The following TMEM117 variants were observed in gnomAD, a reference collection of about 807,000 sequenced individuals.
The protein encoded by TMEM117 is transmembrane protein 117.
TMEM117 carries 27 observed loss-of-function variants against 52.4 expected under a neutral mutation model. That is an observed-to-expected ratio of 0.51 (90% confidence interval 0.38 to 0.71). TMEM117 has a LOEUF of 0.71. Ranked by LOEUF, TMEM117 falls within the 30% of genes least tolerant of loss-of-function variation. The probability of loss-of-function intolerance (pLI) is 0.00; values close to 1 mark genes in which losing one functional copy is unlikely to be tolerated. For missense variants in TMEM117, 556 were observed against 630.5 expected (o/e 0.88, Z 1.26); for synonymous variants, 215 against 206.3 (o/e 1.04, Z -0.36).
chr12:43,829,448 T>C, the TMEM117 span, among the ~76,000 whole-genome samples: 1 of 152,184 alleles, frequency 6.6e-6, no homozygotes, highest in South Asian at 2.1e-4. Context: ...AGATGTTCAT[T>C]GATTGGGTGG....
intron 1 of TMEM117, among the ~76,000 whole-genome samples, chr12:43,842,654 A>G (rs1047815482): frequency 1.3e-4 from 20 of 152,064 alleles, no homozygotes; most frequent in African/African-American, 4.8e-4. Context: ...TCATGTATAA[A>G]GTGAGAATAT....
At chr12:43,806,256 G>C in the TMEM117 span, 1 of 1,522,698 alleles carries the variant, frequency 6.6e-7, no homozygotes, top group Non-Finnish European at 8.8e-7. Context: ...GGCGGCGGCC[G>C]CTAGCTCCCG....
rs1160052035 is a variant in TMEM117, at chr12:43,863,032, CACCTGTAATTCT to C, written c.277+18106_277+18117del. Among the ~76,000 whole-genome samples the C allele has an allele frequency of 7.9e-5, 12 of 152,024 alleles. No homozygotes were observed. The East Asian group carries it at 1.5e-3, about 20-fold the overall frequency. ...AACATTGGCCAGGCACAGTGGCTCACACCTGTAATTCTAGCATTTCAGGAGGCCTGTGGTGAA... is the reference window on the plus strand; with the variant it reads ...AACATTGGCCAGGCACAGTGGCTCACAGCATTTCAGGAGGCCTGTGGTGAA... On this transcript the variant is annotated intron_variant, in intron 2 of 7. Coordinates refer to ENST00000266534, the MANE Select transcript of TMEM117 (RefSeq NM_032256.3).
At chr12:44,095,893 AG>A (rs1197951294) in intron 3 of TMEM117, among the ~76,000 whole-genome samples, 3 of 152,156 alleles carry the variant, frequency 2.0e-5, no homozygotes, top group Non-Finnish European at 2.9e-5. Flanking sequence ...AAGGAAATAA[AG>A]GGTATTCAAT....
intron 5 of TMEM117, among the ~76,000 whole-genome samples, chr12:44,213,958 C>T (rs767192250): frequency 3.9e-5 from 6 of 151,952 alleles, no homozygotes; most frequent in Non-Finnish European, 5.9e-5. Context: ...TTACCAAGGT[C>T]ACATGTATAC....
intron 5 of TMEM117, among the ~76,000 whole-genome samples, chr12:44,221,922 C>T (rs1317525298): frequency 6.6e-6 from 1 of 152,144 alleles, no homozygotes; most frequent in African/African-American, 2.4e-5. Context: ...TGGTCTCGAA[C>T]TCCTGACCTC....
chr12:43,936,471 G>T (rs1944953544), intron 2 of TMEM117, among the ~76,000 whole-genome samples: 1 of 152,224 alleles, frequency 6.6e-6, no homozygotes, highest in East Asian at 1.9e-4. Flanking sequence ...TGAAGCTCAG[G>T]AGGAAAAATT....
chr12:44,386,774 G>A (rs1384194133), intron 7 of TMEM117, among the ~76,000 whole-genome samples: 3 of 151,980 alleles, frequency 2.0e-5, no homozygotes, highest in Admixed American at 6.6e-5. Flanking sequence ...TAGTAATTTT[G>A]GAGCCAGGAT....
intron 6 of TMEM117, among the ~76,000 whole-genome samples, chr12:44,311,759 ATATATATATGTATATATGTGTATATATG>A (rs1950980737): frequency 1.7e-5 from 2 of 116,542 alleles, no homozygotes; most frequent in African/African-American, 9.1e-5. Flanking sequence ...GTATATATGT[ATATATATATGTATATATGTGTATATATG>A]TATATATATG....
At chr12:44,398,817 A>G in the TMEM117 span, among the ~76,000 whole-genome samples, 15 of 152,356 alleles carry the variant, frequency 9.8e-5, no homozygotes, top group South Asian at 3.1e-3. Flanking sequence ...ATTTGTTTTT[A>G]TAACAGTCTA....
chr12:44,205,121 A>G (rs915585168), intron 4 of TMEM117, among the ~76,000 whole-genome samples: 2 of 152,152 alleles, frequency 1.3e-5, no homozygotes, highest in African/African-American at 4.8e-5. Context: ...AACCTACATG[A>G]TATGGTTTTG....
intron 2 of TMEM117, among the ~76,000 whole-genome samples, chr12:43,887,888 C>T (rs941560901): frequency 6.6e-6 from 1 of 152,080 alleles, no homozygotes; most frequent in Non-Finnish European, 1.5e-5. Flanking sequence ...CAGGTGAGAC[C>T]ATTTGTTTGT....
At chr12:43,819,158 G>C in the TMEM117 span, among the ~76,000 whole-genome samples, 1 of 152,180 alleles carries the variant, frequency 6.6e-6, no homozygotes, top group African/African-American at 2.4e-5. Context: ...CCAGTTGTTT[G>C]ATTGTAGACC....
At chr12:44,133,110 G>A (rs1309101325) in intron 3 of TMEM117, among the ~76,000 whole-genome samples, 1 of 152,188 alleles carries the variant, frequency 6.6e-6, no homozygotes, top group Non-Finnish European at 1.5e-5. Flanking sequence ...AATGATGTGG[G>A]TGTATTCGTT....
At chr12:43,900,884 A>G (rs1190602181) in intron 2 of TMEM117, among the ~76,000 whole-genome samples, 1 of 152,076 alleles carries the variant, frequency 6.6e-6, no homozygotes, top group Non-Finnish European at 1.5e-5. Context: ...AAAAAGGAAA[A>G]GAAAATTAAA....
intron 4 of TMEM117, among the ~76,000 whole-genome samples, chr12:44,205,934 G>A (rs12820553): frequency 4.6e-5 from 7 of 152,076 alleles, no homozygotes; most frequent in African/African-American, 7.2e-5. Flanking sequence ...CAGCTCTGTC[G>A]TGGAGACCCT....
intron 5 of TMEM117, among the ~76,000 whole-genome samples, chr12:44,295,041 A>G (rs1950750053): frequency 1.3e-5 from 2 of 152,212 alleles, no homozygotes; most frequent in Admixed American, 1.3e-4. Context: ...TTTGAGCTTC[A>G]TAAATCTGGA....
intron 3 of TMEM117, among the ~76,000 whole-genome samples, chr12:44,137,941 C>G (rs760905011): frequency 6.6e-6 from 1 of 152,056 alleles, no homozygotes; most frequent in Non-Finnish European, 1.5e-5. Flanking sequence ...AGAAGTTTAC[C>G]TTTTTTTACA....
chr12:44,080,383 C>T (rs959151986), intron 3 of TMEM117, among the ~76,000 whole-genome samples: 42 of 152,238 alleles, frequency 2.8e-4, no homozygotes, highest in Admixed American at 9.8e-4. Flanking sequence ...TGAGAACTCA[C>T]TATCATGAGA....
Sources: allele counts gnomAD v4.1 joint callset (sites outside exome capture counted in the v4.1 genomes callset), GRCh38; gene constraint gnomAD v4.1.1; transcripts MANE v1.5; gene names NCBI Gene and HGNC (gene_info 2026-07-23, HGNC 2026-07-21).